Variants in LCOR observed in about 807,000 individuals in gnomAD.
The protein encoded by LCOR is ligand dependent nuclear receptor corepressor, also known as ligand-dependent corepressor.
Under a neutral mutation model 64.4 loss-of-function variants are expected in LCOR, and 14 were observed. The ratio of observed to expected loss-of-function variants is 0.22; its 90% CI spans 0.14 to 0.34. The LOEUF (loss-of-function observed/expected upper bound fraction) is 0.34. LCOR is among the 10% of genes least tolerant of loss of function. The probability of loss-of-function intolerance (pLI) is 1.00; values close to 1 mark genes in which losing one functional copy is unlikely to be tolerated. For synonymous variants in LCOR, 643 were observed against 642.5 expected, an observed-to-expected ratio of 1.00 and a Z score of -0.01; for missense variants, 1,686 against 1,765.3, an observed-to-expected ratio of 0.96 and a Z score of 0.80.
chr10:96,935,215 C>G (rs1308306678), intron 4 of LCOR, among the ~76,000 whole-genome samples: 3 of 116,850 alleles, frequency 2.6e-5, no homozygotes, highest in Non-Finnish European at 4.8e-5. Context: ...GTGGTATGAT[C>G]TTGGCGCACT....
chr10:96,973,643 G>T lies in LCOR; in HGVS notation c.333-7150G>T, dbSNP rs1848016424. 2.6e-5 allele frequency among the ~76,000 whole-genome samples: 4 copies of T among 152,156 alleles called. No individual in the cohort carries two copies. The South Asian group carries it at 8.3e-4, about 32-fold the overall frequency. ...ATTTTTGTTTTATTTAAAGAGTCAA[G>T]CCATAGTAATTTACAACCCTTGACT... On this transcript the variant is annotated intron_variant, in intron 7 of 7. Coordinates refer to ENST00000421806, the MANE Select transcript of LCOR (RefSeq NM_001346516.2).
At chr10:96,965,110 A>G (rs943061043) in intron 7 of LCOR, among the ~76,000 whole-genome samples, 3 of 151,512 alleles carry the variant, frequency 2.0e-5, no homozygotes, top group African/African-American at 4.8e-5. Context: ...CTGGGTTCAC[A>G]CCATTCTCCT....
intron 4 of LCOR, among the ~76,000 whole-genome samples, chr10:96,942,624 A>G (rs543087872): frequency 1.3e-5 from 2 of 152,328 alleles, no homozygotes; most frequent in South Asian, 4.1e-4. Context: ...AGCTTTTTAC[A>G]ATATATAATC....
intron 4 of LCOR, among the ~76,000 whole-genome samples, chr10:96,942,521 T>G (rs910204111): frequency 6.6e-6 from 1 of 152,236 alleles, no homozygotes; most frequent in Admixed American, 6.5e-5. Context: ...TTAAATTTTT[T>G]AATACATTAT....
At chr10:96,850,170 A>G (rs1056375617) in intron 2 of LCOR, among the ~76,000 whole-genome samples, 2 of 152,210 alleles carry the variant, frequency 1.3e-5, no homozygotes, top group African/African-American at 4.8e-5. Flanking sequence ...CATGAAGCTG[A>G]AAATGACCTT....
At chr10:96,953,948 T>C (rs1009681475) in intron 7 of LCOR, among the ~76,000 whole-genome samples, 1 of 152,230 alleles carries the variant, frequency 6.6e-6, no homozygotes, top group Non-Finnish European at 1.5e-5. Context: ...AGTCTTAATA[T>C]TGATAATCTT....
intron 4 of LCOR, among the ~76,000 whole-genome samples, chr10:96,943,731 A>C (rs2134514304): frequency 6.6e-6 from 1 of 151,276 alleles, no homozygotes; most frequent in South Asian, 2.1e-4. Flanking sequence ...GAATTCAAAA[A>C]AAATTTTTTT....
rs572415164 is a variant in LCOR, at chr10:96,956,625, G to A, written c.332+4429G>A. ...ACACACTACCTTCAGAAATGCTTCA[G>A]TTAATTACTTTGAACACTACCTTTG... On this transcript the variant is annotated intron_variant, in intron 7 of 7. Transcript: ENST00000421806. 58 of 985,862 alleles carry A rather than the reference G, an allele frequency of 5.9e-5. 1 individual carries two copies. In the South Asian group the frequency reaches 2.2e-3, roughly 38 times the overall value. The allele number at this position is 985,862 out of a possible 1,614,324, so 61.1% of individuals were successfully genotyped here.
chr10:96,956,963 T>G, intron 7 of LCOR: 1 of 985,166 alleles, frequency 1.0e-6, no homozygotes, highest in Non-Finnish European at 1.2e-6. Context: ...AAAGTGATAC[T>G]TAGATTTTAC....
At chr10:96,856,266 T>C (rs1845802852) in intron 2 of LCOR, among the ~76,000 whole-genome samples, 1 of 152,098 alleles carries the variant, frequency 6.6e-6, no homozygotes, top group Non-Finnish European at 1.5e-5. Context: ...AGAGACAGGA[T>C]TTCACCAGGC....
At position 96,835,338 on chromosome 10, in the gene LCOR, A is replaced by T. The variant is rs141839012; in HGVS notation, c.-330+1859A>T. 7.9e-5 allele frequency among the ~76,000 whole-genome samples: 12 copies of T among 152,344 alleles called. 1 individual carries two copies. The East Asian group carries it at 2.3e-3, about 29-fold the overall frequency. On this transcript the variant is annotated intron_variant, in intron 2 of 7. Coordinates refer to ENST00000421806, the MANE Select transcript of LCOR (RefSeq NM_001346516.2). Reference sequence around the variant, plus strand: ...TTTCTTAAAGCATACTTTTAACTCCAAATTTCCACTTTAAAGATAGTAAAG... The same window carrying T: ...TTTCTTAAAGCATACTTTTAACTCCTAATTTCCACTTTAAAGATAGTAAAG...
rs1176318699 is a variant in LCOR, at chr10:96,992,439, A to T, written c.*7305A>T. Reference sequence around the variant, plus strand: ...CATTGAGCCCCCAAACAACAGTGAAAGCAGAAAGGTGTGGCCTTGAAACCT... The same window carrying T: ...CATTGAGCCCCCAAACAACAGTGAATGCAGAAAGGTGTGGCCTTGAAACCT... On this transcript the variant is annotated 3_prime_UTR_variant, in exon 8 of 8. Coordinates refer to ENST00000421806, the MANE Select transcript of LCOR (RefSeq NM_001346516.2). 1.3e-5 allele frequency: 2 copies of T among 152,254 alleles called. No individual in the cohort carries two copies. Among genetic ancestry groups the T allele is most frequent in the African/African-American group, 4.8e-5 (2 of 41,466 alleles). The allele number at this position is 152,254 out of a possible 1,614,324, so 9.4% of individuals were successfully genotyped here.
chr10:96,908,652 C>CT (rs370170387), intron 4 of LCOR, among the ~76,000 whole-genome samples: 3,997 of 147,250 alleles, frequency 0.027, 169 homozygotes, highest in African/African-American at 0.091. Flanking sequence ...TGGTTTACTA[C>CT]TTTTTTTTTT....
At chr10:96,901,840 G>A (rs977467943) in intron 2 of LCOR, among the ~76,000 whole-genome samples, 4 of 151,934 alleles carry the variant, frequency 2.6e-5, no homozygotes, top group Non-Finnish European at 5.9e-5. Flanking sequence ...CGCAATCTCG[G>A]CTCACTGCAC....
intron 2 of LCOR, among the ~76,000 whole-genome samples, chr10:96,843,814 A>G (rs1845581395): frequency 6.6e-6 from 1 of 152,162 alleles, no homozygotes. Context: ...ATCCCCATCA[A>G]GTGGTTCATA....
At chr10:96,894,958 A>T (rs1846512668) in intron 2 of LCOR, among the ~76,000 whole-genome samples, 1 of 152,208 alleles carries the variant, frequency 6.6e-6, no homozygotes, top group African/African-American at 2.4e-5. Flanking sequence ...AGTAAAAAAG[A>T]CCTGACCTTA....
chr10:96,962,192 C>G (rs1847892460), intron 7 of LCOR: 1 of 152,018 alleles, frequency 6.6e-6, no homozygotes, highest in South Asian at 2.1e-4. Context: ...GTGATTGCCT[C>G]ATTTTCTCTT....
intron 4 of LCOR, among the ~76,000 whole-genome samples, chr10:96,933,355 AT>A (rs1002914130): frequency 1.3e-5 from 2 of 152,224 alleles, no homozygotes; most frequent in Admixed American, 6.5e-5. Flanking sequence ...TGTGCAATAT[AT>A]TTGCTTTAAG....
At chr10:96,866,796 G>A (rs1259081695) in intron 2 of LCOR, among the ~76,000 whole-genome samples, 5 of 151,954 alleles carry the variant, frequency 3.3e-5, no homozygotes, top group African/African-American at 7.3e-5. Flanking sequence ...GGCTGGTCTC[G>A]AACTCCTGAC....
Sources: allele counts gnomAD v4.1 joint callset (sites outside exome capture counted in the v4.1 genomes callset), GRCh38; gene constraint gnomAD v4.1.1; transcripts MANE v1.5; gene names NCBI Gene and HGNC (gene_info 2026-07-23, HGNC 2026-07-21).